The following INTS2 variants were observed in gnomAD, a reference collection of about 807,000 sequenced individuals.
The protein encoded by INTS2 is KIAA1287.
A neutral mutation model predicts 139.6 loss-of-function variants in INTS2; 57 were observed. The ratio of observed to expected loss-of-function variants is 0.41; its 90% confidence interval spans 0.33 to 0.51. The LOEUF is 0.51. INTS2 is among the 20% of genes least tolerant of loss of function. INTS2 has a pLI of 0.28. For synonymous variants in INTS2, 473 were observed against 493.4 expected, an observed-to-expected ratio of 0.96 and a Z score of 0.55; for missense variants, 1,196 against 1,436.7, an observed-to-expected ratio of 0.83 and a Z score of 2.71.
At chr17:61,922,543 T>TATATAC (rs1240177230) in intron 3 of INTS2, among the ~76,000 whole-genome samples, 6 of 125,678 alleles carry the variant, frequency 4.8e-5, no homozygotes, top group African/African-American at 1.7e-4. Context: ...TATATATATA[T>TATATAC]ATACGTGTTC....
At position 61,921,963 on chromosome 17, in the gene INTS2, TTCAA is replaced by T. The variant is rs1445828358; in HGVS notation, c.433-140_433-137del. 4 of 519,922 alleles carry T rather than the reference TTCAA, an allele frequency of 7.7e-6. No homozygotes were observed. The Admixed American group carries it at 9.6e-5, about 13-fold the overall frequency. The allele number at this position is 519,922 out of a possible 1,614,324, so 32.2% of individuals were successfully genotyped here. ...ATATACCACAGCAGAATATGCAGTA[TTCAA>T]TCAATTTCAACCAATTTAACCACAC... is the stretch of plus-strand genomic sequence containing the variant. On this transcript the variant is annotated intron_variant, in intron 3 of 24. Transcript: ENST00000251334.
At chr17:61,913,996 C>G (rs1021089823) in intron 5 of INTS2, among the ~76,000 whole-genome samples, 1 of 150,788 alleles carries the variant, frequency 6.6e-6, no homozygotes, top group African/African-American at 2.4e-5. Flanking sequence ...AAATAGAAAA[C>G]AAATAACAAG....
At chr17:61,906,849 A>T (rs1414809729) in intron 8 of INTS2, among the ~76,000 whole-genome samples, 1 of 129,992 alleles carries the variant, frequency 7.7e-6, no homozygotes, top group Admixed American at 8.1e-5. Context: ...AAAAAAAAAA[A>T]TTAGCCGGGT....
rs562713153 is a variant in INTS2, at chr17:61,865,771, T to A, written c.*1786A>T. On this transcript the variant is annotated 3_prime_UTR_variant, in exon 25 of 25. Coordinates refer to ENST00000251334, the MANE Select transcript of INTS2 (RefSeq NM_001351695.2). The surrounding 1 kb of genome is among the most constrained non-coding windows in gnomAD (Gnocchi z 4.8). ...TACAAAACTGCCTTGTTTAAAAATA[T>A]GAAAATTCTTATGCTATTTTTAAGA... is the stretch of plus-strand genomic sequence containing the variant. 2 of 152,342 alleles carry A rather than the reference T, an allele frequency of 1.3e-5. No homozygotes were observed. The highest frequency in any genetic ancestry group is 6.5e-5 in the Admixed American group (1 of 15,310). 9.4% of individuals were successfully genotyped at this position (152,342 alleles called of 1,614,324 possible).
At chr17:61,880,947 T>C in intron 17 of INTS2, 60 bp downstream of exon 17, 1 of 1,281,418 alleles carries the variant, frequency 7.8e-7, no homozygotes. Flanking sequence ...AGATTTCAAT[T>C]AGCCTAGCAT....
At chr17:61,880,282 A>G (rs943504690) in intron 17 of INTS2, among the ~76,000 whole-genome samples, 1 of 151,984 alleles carries the variant, frequency 6.6e-6, no homozygotes. Context: ...TCCTGACCTC[A>G]TGATCCGCCT....
At chr17:61,902,617 T>TA (rs1477568890) in intron 9 of INTS2, among the ~76,000 whole-genome samples, 6 of 151,870 alleles carry the variant, frequency 4.0e-5, no homozygotes, top group Non-Finnish European at 5.9e-5. Context: ...CTCACCCCTG[T>TA]AAACCCAGTG....
intron 9 of INTS2, among the ~76,000 whole-genome samples, chr17:61,901,365 G>A (rs2079402811): frequency 6.6e-6 from 1 of 150,902 alleles, no homozygotes; most frequent in African/African-American, 2.4e-5. Context: ...AAAAGGCAGG[G>A]AAAAAAAGCA....
Position 61,893,680 on chromosome 17 carries a change from G to T in INTS2, c.1698+85C>A. 1.9e-6 allele frequency: 2 copies of T among 1,032,148 alleles called. No homozygotes were observed. The highest frequency in any genetic ancestry group is 2.9e-5 in the South Asian group (1 of 34,318). The allele number at this position is 1,032,148 out of a possible 1,614,324, so 63.9% of individuals were successfully genotyped here. A position where few individuals can be genotyped will look rare whatever the true frequency, so the allele number is the denominator to read the frequency against. On this transcript the variant is annotated intron_variant, in intron 13 of 24. Coordinates refer to ENST00000251334, the MANE Select transcript of INTS2 (RefSeq NM_001351695.2). This position sits in a 1 kb window ranked among gnomAD's most constrained non-coding sequence, Gnocchi z 5.4. ...ACTGCACTCCAACCTGGGTGACTGA[G>T]CAAGACTCCATCTCAAAAGAAAAAA...
At chr17:61,926,770 G>T in intron 1 of INTS2, 108 bp from the exon 2 acceptor site, 1 of 820,796 alleles carries the variant, frequency 1.2e-6, no homozygotes, top group Non-Finnish European at 2.0e-6. Flanking sequence ...AGGTCCCTAT[G>T]TTGGCAATGT....
Position 61,911,428 on chromosome 17 carries a change from G to C in INTS2, c.954+92C>G, listed in dbSNP as rs2079525164. 8.9e-6 allele frequency: 10 copies of C among 1,122,152 alleles called. No homozygotes were observed. The East Asian group carries it at 2.6e-4, about 29-fold the overall frequency. The allele number at this position is 1,122,152 out of a possible 1,614,324, so 69.5% of individuals were successfully genotyped here. On this transcript the variant is annotated intron_variant, in intron 7 of 24. Coordinates refer to ENST00000251334, the MANE Select transcript of INTS2 (RefSeq NM_001351695.2). ...AAACTAGAAAGTGTGAGAACCACTT[G>C]TCTAATGACATCATTCAAAAAATGT...
At position 61,872,293 on chromosome 17, in the gene INTS2, T is replaced by A; in HGVS notation, c.2750A>T (p.Glu917Val). 6.2e-7 allele frequency: 1 copy of A among 1,611,900 alleles called. No homozygotes were observed. Among genetic ancestry groups the A allele is most frequent in the Non-Finnish European group, 8.5e-7 (1 of 1,178,876 alleles). Residue 917 changes from glutamate to valine, a missense_variant, in exon 20 of 25, where the codon GAA (glutamate) becomes GTA (valine). Glu to Val is a moderately radical substitution (Grantham distance 121). Around this residue, in one of 3 missense-constraint regions of INTS2, gnomAD observed 1,129 missense variants for 1,341.9 expected, o/e 0.84. Coordinates refer to ENST00000251334, the MANE Select transcript of INTS2 (RefSeq NM_001351695.2). This position sits in a 1 kb window ranked among gnomAD's most constrained non-coding sequence, Gnocchi z 4.8. The part of the protein sequence containing the change: ...QTDAPEVTRE[E>V]LKNALLAAQD... ...AGCGGCCAGTAATGCATTTTTCAAT[T>A]CTTCCCTGGTAACTTCCGGAGCATC...
At chr17:61,913,344 A>G (rs1235698657) in intron 5 of INTS2, among the ~76,000 whole-genome samples, 2 of 151,618 alleles carry the variant, frequency 1.3e-5, no homozygotes, top group Admixed American at 6.6e-5. Flanking sequence ...CCGTCTCCCA[A>G]AAAAAAAACA....
intron 9 of INTS2, among the ~76,000 whole-genome samples, chr17:61,901,778 A>C (rs1264095353): frequency 6.6e-6 from 1 of 151,010 alleles, no homozygotes; most frequent in African/African-American, 2.4e-5. Flanking sequence ...TATTTTTTTT[A>C]GTAGAGACGG....
In INTS2 at chr17:61,882,160, T is replaced by C. The variant is rs2079183805; in HGVS notation, c.2090-989A>G. 6.6e-6 allele frequency among the ~76,000 whole-genome samples: 1 copy of C among 152,154 alleles called. No homozygotes were observed. The highest frequency in any genetic ancestry group is 2.4e-5 in the African/African-American group (1 of 41,434). ...TACGTTTTCTCATCTCTCCCTAACA[T>C]TCATACAAAGTAAGCAATGCCTCCA... On this transcript the variant is annotated intron_variant, in intron 16 of 24. Coordinates refer to ENST00000251334, the MANE Select transcript of INTS2 (RefSeq NM_001351695.2). The surrounding 1 kb of genome is among the most constrained non-coding windows in gnomAD (Gnocchi z 4.7).
chr17:61,919,252 C>G lies in INTS2; in HGVS notation c.649+148G>C. 5.7e-6 allele frequency: 3 copies of G among 524,178 alleles called. No individual in the cohort carries two copies. In the South Asian group the frequency reaches 6.5e-5, roughly 11 times the overall value. 32.5% of individuals were successfully genotyped at this position (524,178 alleles called of 1,614,324 possible). A position where few individuals can be genotyped will look rare whatever the true frequency, so the allele number is the denominator to read the frequency against. ...CTTTAAACTCAATACAATTTGTGAA[C>G]TCAATATTTCTTTATACATACTAAC... On this transcript the variant is annotated intron_variant, in intron 5 of 24. Transcript: ENST00000251334.
Position 61,909,805 on chromosome 17 carries a change from GTGTGTGTACA to G in INTS2, c.954+1705_954+1714del, listed in dbSNP as rs1385760206. Among the ~76,000 whole-genome samples the G allele has an allele frequency of 7.6e-6, 1 of 131,130 alleles. No individual in the cohort carries two copies. The highest frequency in any genetic ancestry group is 3.2e-4 in the East Asian group (1 of 3,138). 86.0% of individuals were successfully genotyped at this position (131,130 alleles called of 152,430 possible). ...TGTGTGTGTGTATACATATATACGT[GTGTGTGTACA>G]TGTGTGTATGTGTGTGTGTGTGTGT... On this transcript the variant is annotated intron_variant, in intron 7 of 24. Transcript: ENST00000251334. This position sits in a 1 kb window ranked among gnomAD's most constrained non-coding sequence, Gnocchi z 4.9.
chr17:61,914,911 C>G (rs2079564347), intron 5 of INTS2, among the ~76,000 whole-genome samples: 1 of 150,146 alleles, frequency 6.7e-6, no homozygotes, highest in African/African-American at 2.4e-5. Context: ...GGTTAAAAAT[C>G]TCTACAAAGA....
intron 9 of INTS2, among the ~76,000 whole-genome samples, chr17:61,903,025 C>A (rs1477206880): frequency 6.6e-6 from 1 of 150,772 alleles, no homozygotes; most frequent in Non-Finnish European, 1.5e-5. Context: ...ATTAGCCGGG[C>A]GTGGTGGCAG....
Sources: gnomAD v4.1 joint callset for allele counts (sites outside exome capture counted in the v4.1 genomes callset) on GRCh38, gnomAD v4.1.1 for gene constraint, gnomAD v4.1.1 regional missense constraint, Gnocchi (gnomAD v3.1) non-coding constraint, MANE v1.5 for transcripts, NCBI Gene and HGNC (gene_info 2026-07-23, HGNC 2026-07-21) for gene names.